The following ZC3H12C variants were observed in gnomAD, a reference collection of about 807,000 sequenced individuals.
The protein encoded by ZC3H12C is probable ribonuclease ZC3H12C.
A neutral mutation model predicts 76.3 loss-of-function variants in ZC3H12C; 20 were observed. The ratio of observed to expected loss-of-function variants is 0.26; its 90% CI spans 0.18 to 0.38. The LOEUF (loss-of-function observed/expected upper bound fraction) is 0.38, where lower values mean the gene tolerates loss of function less well. Among genes scored for constraint, ZC3H12C ranks in the 10% least tolerant of loss-of-function variants. ZC3H12C has a pLI of 1.00. For synonymous variants in ZC3H12C, 352 were observed against 399.6 expected, an observed-to-expected ratio of 0.88 and a Z score of 1.42; for missense variants, 874 against 1,086.5, an observed-to-expected ratio of 0.80 and a Z score of 2.75.
At position 110,106,290 on chromosome 11, in the gene ZC3H12C, A is replaced by C. The variant is rs186254803; in HGVS notation, c.21+12858A>C. Among the ~76,000 whole-genome samples the C allele has an allele frequency of 2.8e-4, 4 of 14,098 alleles. 2 individuals carry two copies. The highest frequency in any genetic ancestry group is 6.5e-4 in the African/African-American group (2 of 3,096). The allele number at this position is 14,098 out of a possible 152,430, so 9.2% of individuals were successfully genotyped here. On this transcript the variant is annotated intron_variant, in intron 1 of 5. Coordinates refer to ENST00000278590, the MANE Select transcript of ZC3H12C (RefSeq NM_033390.2). ...CTCAAAAAAAATAAATAAATAAATA[A>C]ATAAATAAATAAAAGTTATACCAAT...
chr11:110,158,585 T>C (rs1292249877), intron 3 of ZC3H12C, among the ~76,000 whole-genome samples: 1 of 151,970 alleles, frequency 6.6e-6, no homozygotes, highest in Non-Finnish European at 1.5e-5. Context: ...AGATGTTTTC[T>C]CCACATGATG....
intron 1 of ZC3H12C, among the ~76,000 whole-genome samples, chr11:110,128,545 A>G (rs12363258): frequency 0.28 from 42,729 of 151,360 alleles, 6,291 homozygotes; most frequent in African/African-American, 0.38. Context: ...GTAGCAAGGG[A>G]TAAAGAGAAG....
chr11:110,112,804 A>G (rs1228651430), intron 1 of ZC3H12C, among the ~76,000 whole-genome samples: 4 of 152,312 alleles, frequency 2.6e-5, no homozygotes, highest in East Asian at 1.9e-4. Flanking sequence ...TGGAAAGCCA[A>G]TGGTTGCCTG....
intron 4 of ZC3H12C, among the ~76,000 whole-genome samples, chr11:110,160,712 G>C (rs561705292): frequency 6.6e-5 from 10 of 152,170 alleles, no homozygotes; most frequent in Non-Finnish European, 8.8e-5. Flanking sequence ...TGAATGAACT[G>C]CATGAAGCTG....
intron 4 of ZC3H12C, 140 bp from the exon 5 acceptor site, chr11:110,163,133 T>G: frequency 1.7e-6 from 1 of 599,532 alleles, no homozygotes; most frequent in Non-Finnish European, 2.9e-6. Flanking sequence ...TCTTTTTTAC[T>G]CTGTAAACGT....
rs758647846 is a variant in ZC3H12C, at chr11:110,164,591, C to T, written c.1506C>T (p.Asp502=). The T allele has an allele frequency of 6.2e-6, 10 of 1,613,882 alleles. No homozygotes were observed. In the African/African-American group the frequency reaches 1.3e-4, roughly 22 times the overall value. The change falls in exon 6 of 6, where the codon GAC becomes GAT. Residue 502 remains aspartate, a synonymous_variant. Coordinates refer to ENST00000278590, the MANE Select transcript of ZC3H12C (RefSeq NM_033390.2). This position sits in a 1 kb window ranked among gnomAD's most constrained non-coding sequence, Gnocchi z 5.7. ...DPSIRTQVYQ[D]LEEKLPTKNK... ...GCATAAGGACACAAGTCTACCAAGA[C>T]CTAGAAGAAAAGCTTCCCACCAAAA...
chr11:110,117,776 T>TAC (rs1305128758), intron 1 of ZC3H12C, among the ~76,000 whole-genome samples: 3 of 134,962 alleles, frequency 2.2e-5, no homozygotes, highest in South Asian at 2.2e-4. Flanking sequence ...CACATATATA[T>TAC]ACACACACAC....
At chr11:110,131,742 A>T (rs1041369134) in intron 1 of ZC3H12C, 3 of 152,358 alleles carry the variant, frequency 2.0e-5, no homozygotes, top group African/African-American at 7.2e-5. Flanking sequence ...TGTAAAGGGG[A>T]AGGGAGGAAG....
At chr11:110,141,285 T>G (rs532229095) in intron 2 of ZC3H12C, among the ~76,000 whole-genome samples, 1 of 152,316 alleles carries the variant, frequency 6.6e-6, no homozygotes, top group South Asian at 2.1e-4. Context: ...ATAACTTTCC[T>G]CTGTATCAAG....
At chr11:110,133,187 A>G (rs1315753328) in intron 1 of ZC3H12C, among the ~76,000 whole-genome samples, 1 of 152,186 alleles carries the variant, frequency 6.6e-6, no homozygotes, top group Non-Finnish European at 1.5e-5. Flanking sequence ...TTTGCTAATT[A>G]CAAGTGGGTG....
At chr11:110,159,629 C>T in intron 4 of ZC3H12C, 139 bp downstream of exon 4, 1 of 742,934 alleles carries the variant, frequency 1.3e-6, no homozygotes, top group South Asian at 1.9e-5. Context: ...CACTGATCCT[C>T]AGTGGGAGTC....
chr11:110,145,655 G>T (rs1017305095), intron 2 of ZC3H12C, among the ~76,000 whole-genome samples: 4 of 152,010 alleles, frequency 2.6e-5, no homozygotes, highest in Non-Finnish European at 5.9e-5. Flanking sequence ...ATCCTATGTG[G>T]TATTTTAGCT....
intron 1 of ZC3H12C, among the ~76,000 whole-genome samples, chr11:110,100,437 G>A (rs1432730601): frequency 1.3e-5 from 2 of 152,150 alleles, no homozygotes; most frequent in African/African-American, 2.4e-5. Flanking sequence ...GCACTTCACA[G>A]ACATTGCTTT....
rs866227238 is a variant in ZC3H12C, at chr11:110,144,299, G to A, written c.773+6885G>A. Reference sequence around the variant, plus strand: ...AGGACATGAGAAAGTAAAGACACTAGCATGTGTCGAAGACTTCGATATGCC... The same window carrying A: ...AGGACATGAGAAAGTAAAGACACTAACATGTGTCGAAGACTTCGATATGCC... On this transcript the variant is annotated intron_variant, in intron 2 of 5. Coordinates refer to ENST00000278590, the MANE Select transcript of ZC3H12C (RefSeq NM_033390.2). Among the ~76,000 whole-genome samples the A allele has an allele frequency of 1.2e-4, 19 of 152,282 alleles. 1 individual carries two copies. The highest frequency in any genetic ancestry group is 3.4e-3 in the Middle Eastern group (1 of 294).
At chr11:110,132,198 G>C (rs1861879510) in intron 1 of ZC3H12C, among the ~76,000 whole-genome samples, 1 of 151,966 alleles carries the variant, frequency 6.6e-6, no homozygotes, top group Non-Finnish European at 1.5e-5. Flanking sequence ...TAATATTCCT[G>C]ATTAATATGA....
rs2134206823 is a variant in ZC3H12C at position 110,168,872 on chromosome 11, G to T, written c.*3135G>T. On this transcript the variant is annotated 3_prime_UTR_variant, in exon 6 of 6. Coordinates refer to ENST00000278590, the MANE Select transcript of ZC3H12C (RefSeq NM_033390.2). Reference sequence around the variant, plus strand: ...TGATACTGGTGGAAACTTGAACTTTGTGTTTTTATGAAAATTCATTTATGA... The same window carrying T: ...TGATACTGGTGGAAACTTGAACTTTTTGTTTTTATGAAAATTCATTTATGA... 6.6e-6 allele frequency: 1 copy of T among 152,174 alleles called. No homozygotes were observed. Among genetic ancestry groups the T allele is most frequent in the Non-Finnish European group, 1.5e-5 (1 of 67,984 alleles). 9.4% of individuals were successfully genotyped at this position (152,174 alleles called of 1,614,324 possible). A position where few individuals can be genotyped will look rare whatever the true frequency, so the allele number is the denominator to read the frequency against.
intron 1 of ZC3H12C, among the ~76,000 whole-genome samples, chr11:110,100,354 T>C (rs762003297): frequency 3.3e-5 from 5 of 152,106 alleles, no homozygotes; most frequent in Non-Finnish European, 7.3e-5. Context: ...AAAAGCAATG[T>C]AGTACTTTAA....
intron 3 of ZC3H12C, among the ~76,000 whole-genome samples, chr11:110,155,836 C>G (rs1862367675): frequency 6.6e-6 from 1 of 151,986 alleles, no homozygotes; most frequent in Non-Finnish European, 1.5e-5. Flanking sequence ...TTTATTTCTG[C>G]CTGCTTCTTA....
At chr11:110,120,961 A>G (rs959251436) in intron 1 of ZC3H12C, among the ~76,000 whole-genome samples, 2 of 152,212 alleles carry the variant, frequency 1.3e-5, no homozygotes, top group Non-Finnish European at 2.9e-5. Context: ...AACTGTGGAG[A>G]AAAGTACTTG....
Sources: allele counts gnomAD v4.1 joint callset (sites outside exome capture counted in the v4.1 genomes callset), GRCh38; gene constraint gnomAD v4.1.1; non-coding constraint Gnocchi (gnomAD v3.1); transcripts MANE v1.5; gene names NCBI Gene and HGNC (gene_info 2026-07-23, HGNC 2026-07-21).